TRIP12: variants seen among roughly 807,000 people sequenced by gnomAD.
TRIP12 encodes the protein E3 ubiquitin-protein ligase TRIP12.
In TRIP12, 25 loss-of-function variants were observed where a neutral mutation model predicts 244.2. The ratio of observed to expected loss-of-function variants is 0.10; its 90% CI spans 0.07 to 0.14. TRIP12 has a LOEUF of 0.14. Ranked by LOEUF, TRIP12 falls within the 10% of genes least tolerant of loss-of-function variation. The pLI, the probability that TRIP12 is intolerant of heterozygous loss-of-function variation, is 1.00. For synonymous variants in TRIP12, 905 were observed against 873.1 expected (o/e 1.04, Z -0.64); for missense variants, 1,677 against 2,486.4 (o/e 0.67, Z 6.92).
chr2:229,767,867 G>T (rs2032337149), intron 41 of TRIP12, 117 bp from the exon 42 acceptor site: 2 of 1,031,756 alleles, frequency 1.9e-6, no homozygotes, highest in Non-Finnish European at 2.7e-6. Context: ...TTCTTGCTTG[G>T]CAATTGCACA....
At chr2:229,852,906 A>G (rs563762337) in intron 4 of TRIP12, among the ~76,000 whole-genome samples, 53 of 152,352 alleles carry the variant, frequency 3.5e-4, no homozygotes, top group Non-Finnish European at 6.2e-4. Flanking sequence ...TTCCCAAGTA[A>G]TAGCTGGTCA....
Position 229,810,985 on chromosome 2 carries a change from C to G in TRIP12, c.2116G>C (p.Val706Leu), listed in dbSNP as rs769185780. The change falls in exon 15 of 42, where the codon GTG (valine) becomes CTG (leucine). Residue 706 changes from valine (V) to leucine (L), a missense_variant. Val to Leu is a conservative substitution (Grantham distance 32). Transcript: ENST00000675903. ...CCAGAACTTAAAATGGGTGGAGTCA[C>G]TACCAACAGCTGTTGAACATTTGTA... ...LLTNVQQLLV[V>L]TPPILSSGMF... 1.2e-6 allele frequency: 2 copies of G among 1,614,106 alleles called. No individual in the cohort carries two copies. The highest frequency in any genetic ancestry group is 3.3e-5 in the Admixed American group (2 of 60,022).
At chr2:229,844,127 A>G (rs2057085838) in intron 4 of TRIP12, among the ~76,000 whole-genome samples, 1 of 152,228 alleles carries the variant, frequency 6.6e-6, no homozygotes. Flanking sequence ...AGGAGTGACA[A>G]TGACCTTAGA....
chr2:229,898,103 T>C (rs542405675), intron 1 of TRIP12, among the ~76,000 whole-genome samples: 5 of 152,268 alleles, frequency 3.3e-5, no homozygotes, highest in South Asian at 2.1e-4. Context: ...GTAGAGACAA[T>C]AGGTGATAGT....
chr2:229,922,537 T>A (rs1402173055), upstream of TRIP12: 10 of 1,613,812 alleles, frequency 6.2e-6, no homozygotes, highest in East Asian at 1.3e-4. Flanking sequence ...TGCCGGAGAC[T>A]CTCTTTGAAA....
At chr2:229,861,275 G>T (rs1297521674) in intron 2 of TRIP12, among the ~76,000 whole-genome samples, 2 of 152,088 alleles carry the variant, frequency 1.3e-5, no homozygotes, top group African/African-American at 4.8e-5. Context: ...TATTCTAAAA[G>T]CAAGTTTGAG....
At chr2:229,774,410 A>G in intron 37 of TRIP12, 149 bp from the exon 38 acceptor site, 2 of 765,894 alleles carry the variant, frequency 2.6e-6, no homozygotes, top group South Asian at 2.1e-5. Flanking sequence ...TCCTGGTCAT[A>G]ATCTACATAT....
intron 1 of TRIP12, among the ~76,000 whole-genome samples, chr2:229,918,887 T>C (rs1277197730): frequency 6.6e-6 from 1 of 152,160 alleles, no homozygotes; most frequent in Non-Finnish European, 1.5e-5. Flanking sequence ...AGTCATTACA[T>C]CTGTTGGGTC....
At chr2:229,828,529 T>C (rs1240469366) in intron 8 of TRIP12, among the ~76,000 whole-genome samples, 2 of 152,080 alleles carry the variant, frequency 1.3e-5, no homozygotes, top group African/African-American at 2.4e-5. Context: ...CCCAGCACTT[T>C]GGGAGGCCAA....
chr2:229,799,979 T>TAGA (rs1297949934), intron 21 of TRIP12, among the ~76,000 whole-genome samples: 2 of 152,278 alleles, frequency 1.3e-5, no homozygotes, highest in East Asian at 3.9e-4. Context: ...CTTTAAATAG[T>TAGA]AGTATATAAG....
At position 229,796,779 on chromosome 2, in the gene TRIP12, C is replaced by G; in HGVS notation, c.3628G>C (p.Asp1210His). The change falls in exon 25 of 42, where the codon GAT becomes CAT. Residue 1210 changes from aspartate (D) to histidine (H), a missense_variant. By Grantham distance (81) the Asp-to-His change is moderately conservative. Coordinates refer to ENST00000675903, the MANE Select transcript of TRIP12 (RefSeq NM_001348323.3). ...AATEQLNLQVDGGAECLVEIR... is the reference protein window; with the variant it reads ...AATEQLNLQVHGGAECLVEIR... ...TCTACAAGGCACTCAGCTCCACCAT[C>G]CACCTGAAAGAGTTAGGAAAAGTAT... The G allele has an allele frequency of 6.4e-7, 1 of 1,572,182 alleles. No individual in the cohort carries two copies. Among genetic ancestry groups the G allele is most frequent in the Non-Finnish European group, 8.6e-7 (1 of 1,164,280 alleles).
At chr2:229,849,932 CACCAAAAAA>C in intron 4 of TRIP12, among the ~76,000 whole-genome samples, 2 of 83,600 alleles carry the variant, frequency 2.4e-5, no homozygotes, top group Non-Finnish European at 4.9e-5. Context: ...GCATAATACA[CACCAAAAAA>C]AAAAAAAGAG....
chr2:229,820,871 T>C (rs1174190285), intron 8 of TRIP12, among the ~76,000 whole-genome samples: 2 of 152,216 alleles, frequency 1.3e-5, no homozygotes, highest in African/African-American at 2.4e-5. Context: ...ATTACAGACA[T>C]GAGCCACCGC....
In TRIP12 at chr2:229,766,467, G is replaced by C. The variant is rs1056506939; in HGVS notation, c.*1087C>G. ...GAGAAATCAGCACATAAAATGACTG[G>C]ACAGCATTGCTTACAGGTGCTTTTA... On this transcript the variant is annotated 3_prime_UTR_variant, in exon 42 of 42. Coordinates refer to ENST00000675903, the MANE Select transcript of TRIP12 (RefSeq NM_001348323.3). The C allele has an allele frequency of 6.6e-6, 1 of 152,152 alleles. No homozygotes were observed. The highest frequency in any genetic ancestry group is 2.4e-5 in the African/African-American group (1 of 41,426). The allele number at this position is 152,152 out of a possible 1,614,324, so 9.4% of individuals were successfully genotyped here.
intron 4 of TRIP12, among the ~76,000 whole-genome samples, chr2:229,848,705 C>T (rs1264258982): frequency 6.6e-6 from 1 of 152,166 alleles, no homozygotes; most frequent in Non-Finnish European, 1.5e-5. Flanking sequence ...CCTGAGTCTT[C>T]AGAATGCCCC....
chr2:229,860,282 T>C, intron 3 of TRIP12, 124 bp downstream of exon 3: 1 of 1,240,656 alleles, frequency 8.1e-7, no homozygotes, highest in Admixed American at 2.3e-5. Context: ...TCCTAAAAGT[T>C]ACTTAGAGAA....
intron 4 of TRIP12, among the ~76,000 whole-genome samples, chr2:229,849,232 G>T (rs1015840419): frequency 3.9e-5 from 6 of 152,198 alleles, no homozygotes; most frequent in Admixed American, 2.6e-4. Flanking sequence ...TAAAATTCAG[G>T]AAAAGCAAAA....
intron 26 of TRIP12, among the ~76,000 whole-genome samples, chr2:229,794,276 T>TA (rs1371370365): frequency 1.3e-5 from 2 of 152,126 alleles, no homozygotes; most frequent in African/African-American, 4.8e-5. Context: ...AATGTGGATT[T>TA]AAAAACCAAA....
upstream of TRIP12, chr2:229,922,229 GA>G (rs951869478): frequency 2.4e-4 from 84 of 356,168 alleles, 1 homozygote; most frequent in African/African-American, 1.6e-3. Context: ...GAGGGACCAG[GA>G]AGGGGACTGT....
Sources: gnomAD v4.1 joint callset for allele counts (sites outside exome capture counted in the v4.1 genomes callset) on GRCh38, gnomAD v4.1.1 for gene constraint, MANE v1.5 for transcripts, NCBI Gene and HGNC (gene_info 2026-07-23, HGNC 2026-07-21) for gene names.